Variants in STK32A observed in about 807,000 individuals in gnomAD.
STK32A encodes the protein serine/threonine-protein kinase 32A.
Under a neutral mutation model 53.2 loss-of-function variants are expected in STK32A, and 41 were observed. The ratio of observed to expected loss-of-function variants is 0.77; its 90% CI spans 0.60 to 1.00. The LOEUF (loss-of-function observed/expected upper bound fraction) is 1.00. Ranked by LOEUF, STK32A falls within the 50% of genes least tolerant of loss-of-function variation. The pLI, the probability that STK32A is intolerant of heterozygous loss-of-function variation, is 0.00. For synonymous variants in STK32A, 166 were observed against 162.8 expected, an observed-to-expected ratio of 1.02 and a Z score of -0.15; for missense variants, 458 against 485.8, an observed-to-expected ratio of 0.94 and a Z score of 0.54.
chr5:147,336,774 G>C (rs1203361744), intron 5 of STK32A, among the ~76,000 whole-genome samples: 1 of 151,952 alleles, frequency 6.6e-6, no homozygotes, highest in Non-Finnish European at 1.5e-5. Context: ...TCTGTTTTTT[G>C]AGACCAATAG....
At chr5:147,380,729 C>T (rs998285120) in intron 11 of STK32A, among the ~76,000 whole-genome samples, 6 of 152,118 alleles carry the variant, frequency 3.9e-5, no homozygotes, top group Admixed American at 2.0e-4. Flanking sequence ...ATAAAGAAGG[C>T]TCTGCTGACT....
chr5:147,239,606 C>G lies in STK32A; in HGVS notation c.-29C>G. The G allele has an allele frequency of 1.9e-6, 3 of 1,578,246 alleles. No homozygotes were observed. Among genetic ancestry groups the G allele is most frequent in the South Asian group, 1.2e-5 (1 of 86,706 alleles). ...GTGTTTCTGCCCGGATAGTATAAAT[C>G]GAGGATCCAGGTCTGGGCAGATTCA... On this transcript the variant is annotated 5_prime_UTR_variant, in exon 2 of 13. The change creates a new upstream start codon in the 5' untranslated region. Coordinates refer to ENST00000397936, the MANE Select transcript of STK32A (RefSeq NM_001112724.2).
At chr5:147,351,184 T>C (rs1200786804) in intron 7 of STK32A, 30 bp downstream of exon 7, 1 of 1,562,350 alleles carries the variant, frequency 6.4e-7, no homozygotes, top group East Asian at 2.2e-5. Flanking sequence ...CTTTTTTTTT[T>C]CTTTCCTGTA....
chr5:147,311,249 CATATTTGTTTGTTAA>C (rs1753679938), intron 4 of STK32A, among the ~76,000 whole-genome samples: 1 of 152,164 alleles, frequency 6.6e-6, no homozygotes, highest in Admixed American at 6.5e-5. Flanking sequence ...TCTATAACTA[CATATTTGTTTGTTAA>C]ATATTTGTTT....
At chr5:147,246,944 A>G (rs535718099) in intron 2 of STK32A, among the ~76,000 whole-genome samples, 1 of 152,338 alleles carries the variant, frequency 6.6e-6, no homozygotes, top group South Asian at 2.1e-4. Flanking sequence ...AAACTCAAGA[A>G]CATGTTAGTT....
chr5:147,324,914 A>G (rs1056217611), intron 5 of STK32A, among the ~76,000 whole-genome samples: 14 of 152,148 alleles, frequency 9.2e-5, no homozygotes, highest in African/African-American at 3.4e-4. Flanking sequence ...TAGGTACTTT[A>G]TGTACATTAG....
intron 5 of STK32A, among the ~76,000 whole-genome samples, chr5:147,331,197 A>T (rs181363790): frequency 1.0e-3 from 154 of 152,254 alleles, no homozygotes; most frequent in African/African-American, 3.5e-3. Context: ...TATTTCAGAG[A>T]TTTTTAACTA....
intron 7 of STK32A, among the ~76,000 whole-genome samples, chr5:147,355,933 A>T (rs923030915): frequency 1.3e-5 from 2 of 152,036 alleles, no homozygotes; most frequent in Non-Finnish European, 2.9e-5. Context: ...TACATTTTTT[A>T]AATATTCGAT....
chr5:147,319,536 C>G (rs1046892107), intron 4 of STK32A, among the ~76,000 whole-genome samples: 1 of 152,018 alleles, frequency 6.6e-6, no homozygotes, highest in Non-Finnish European at 1.5e-5. Flanking sequence ...GTGCACAATA[C>G]TAGTTTTTAA....
intron 4 of STK32A, among the ~76,000 whole-genome samples, chr5:147,303,761 T>C (rs190400474): frequency 5.7e-4 from 86 of 151,984 alleles, no homozygotes; most frequent in Non-Finnish European, 9.0e-4. Context: ...TCTGAAAGGG[T>C]TCAAGGAAGA....
intron 4 of STK32A, among the ~76,000 whole-genome samples, chr5:147,288,903 A>C (rs963401375): frequency 3.3e-5 from 5 of 152,204 alleles, no homozygotes; most frequent in Admixed American, 6.5e-5. Flanking sequence ...GTAACTTTAC[A>C]TTTATAAATG....
At chr5:147,322,930 A>G (rs1476043552) in intron 4 of STK32A, among the ~76,000 whole-genome samples, 2 of 152,084 alleles carry the variant, frequency 1.3e-5, no homozygotes, top group African/African-American at 4.8e-5. Context: ...TGGGATCCGG[A>G]TTCTGCCGCC....
At position 147,369,607 on chromosome 5, in the gene STK32A, A is replaced by T. The variant is rs148230052; in HGVS notation, c.661-1047A>T. Among the ~76,000 whole-genome samples, 4 of 152,268 alleles carry T rather than the reference A, an allele frequency of 2.6e-5. No homozygotes were observed. In the East Asian group the frequency reaches 7.7e-4, roughly 29 times the overall value. Reference sequence around the variant, plus strand: ...AAATCCTTTTAACCTCAAACACATGATTATTTTATATTACCTCTTAACACT... The same window carrying T: ...AAATCCTTTTAACCTCAAACACATGTTTATTTTATATTACCTCTTAACACT... On this transcript the variant is annotated intron_variant, in intron 8 of 12. Transcript: ENST00000397936.
At chr5:147,235,711 G>T (rs1753283417) in intron 1 of STK32A, among the ~76,000 whole-genome samples, 1 of 152,184 alleles carries the variant, frequency 6.6e-6, no homozygotes, top group African/African-American at 2.4e-5. Context: ...TGCCATTTAG[G>T]TGACTTATTT....
intron 5 of STK32A, among the ~76,000 whole-genome samples, chr5:147,330,598 A>G (rs953906575): frequency 1.3e-4 from 20 of 152,344 alleles, no homozygotes; most frequent in African/African-American, 4.3e-4. Flanking sequence ...ATGACCTTAA[A>G]TATAGCCCTG....
At chr5:147,242,823 C>A (rs1422241683) in intron 2 of STK32A, among the ~76,000 whole-genome samples, 1 of 152,074 alleles carries the variant, frequency 6.6e-6, no homozygotes, top group East Asian at 1.9e-4. Flanking sequence ...CTTTAAAATT[C>A]AGTACATTTT....
At chr5:147,347,999 G>A (rs1259785463) in intron 6 of STK32A, among the ~76,000 whole-genome samples, 1 of 152,168 alleles carries the variant, frequency 6.6e-6, no homozygotes, top group Non-Finnish European at 1.5e-5. Context: ...AGAACTCTGA[G>A]CCAATCAGAA....
At chr5:147,332,278 A>G (rs903862797) in intron 5 of STK32A, among the ~76,000 whole-genome samples, 1 of 151,854 alleles carries the variant, frequency 6.6e-6, no homozygotes, top group Non-Finnish European at 1.5e-5. Flanking sequence ...ACCTATTTTA[A>G]TGTTGCCAGA....
intron 6 of STK32A, among the ~76,000 whole-genome samples, chr5:147,350,004 G>A (rs543478912): frequency 1.3e-5 from 2 of 151,908 alleles, no homozygotes; most frequent in Admixed American, 6.5e-5. Context: ...CCAGCAACTC[G>A]GGAGGCTGAG....
Sources: allele counts gnomAD v4.1 joint callset (sites outside exome capture counted in the v4.1 genomes callset), GRCh38; gene constraint gnomAD v4.1.1; transcripts MANE v1.5; gene names NCBI Gene and HGNC (gene_info 2026-07-23, HGNC 2026-07-21).